ABCA4: variants seen among roughly 807,000 people sequenced by gnomAD.
The protein encoded by ABCA4 is ATP binding cassette subfamily A member 4.
Under a neutral mutation model 263.7 loss-of-function variants are expected in ABCA4, and 196 were observed. The observed-to-expected ratio is 0.74, with a 90% CI of 0.66 to 0.84. The LOEUF (loss-of-function observed/expected upper bound fraction) is 0.84, where lower values mean the gene tolerates loss of function less well. Among genes scored for constraint, ABCA4 ranks in the 40% least tolerant of loss-of-function variants. ABCA4 has a pLI of 0.00. For missense variants in ABCA4, 2,792 were observed against 2,855.1 expected (o/e 0.98, Z 0.50); for synonymous variants, 1,133 against 1,094.2 (o/e 1.04, Z -0.70).
chr1:94,092,940 C>A (rs1361807443), intron 6 of ABCA4, among the ~76,000 whole-genome samples: 1 of 152,194 alleles, frequency 6.6e-6, no homozygotes, highest in Non-Finnish European at 1.5e-5. Flanking sequence ...ATTACTATTT[C>A]ATGAGCTGTG....
chr1:93,994,782 A>G (rs1658952792), intron 49 of ABCA4, among the ~76,000 whole-genome samples: 1 of 152,196 alleles, frequency 6.6e-6, no homozygotes, highest in East Asian at 1.9e-4. Context: ...TCATCCAATA[A>G]GGGAGAAAAG....
At chr1:94,057,348 C>T (rs1661011385) in intron 14 of ABCA4, among the ~76,000 whole-genome samples, 1 of 152,096 alleles carries the variant, frequency 6.6e-6, no homozygotes, top group Non-Finnish European at 1.5e-5. Flanking sequence ...TAAGCAAATC[C>T]TCGGTGAGAA....
intron 5 of ABCA4, among the ~76,000 whole-genome samples, chr1:94,101,063 C>T (rs1662273917): frequency 6.6e-6 from 1 of 152,232 alleles, no homozygotes; most frequent in Non-Finnish European, 1.5e-5. Flanking sequence ...TCATCAGAGC[C>T]AGCAACATGA....
intron 5 of ABCA4, among the ~76,000 whole-genome samples, chr1:94,100,266 G>T (rs1473454929): frequency 2.6e-5 from 4 of 152,216 alleles, no homozygotes; most frequent in Non-Finnish European, 4.4e-5. Flanking sequence ...GGTGTGTTAA[G>T]AATAGCCACT....
At chr1:94,014,767 C>T in intron 37 of ABCA4, 77 bp from the exon 38 acceptor site, 1 of 1,575,002 alleles carries the variant, frequency 6.3e-7, no homozygotes, top group Non-Finnish European at 8.7e-7. Flanking sequence ...ATATAATGCA[C>T]TCCCCTTACA....
chr1:94,007,502 G>T, intron 43 of ABCA4, 132 bp downstream of exon 43: 1 of 803,982 alleles, frequency 1.2e-6, no homozygotes. Flanking sequence ...TGCTCTCTGG[G>T]AGGCCTCCTT....
At chr1:94,021,095 T>TAG in intron 35 of ABCA4, 145 bp downstream of exon 35, 1 of 1,133,874 alleles carries the variant, frequency 8.8e-7, no homozygotes, top group Admixed American at 1.7e-5. Flanking sequence ...GAGGCACTTA[T>TAG]TTGAAAGTCG....
At chr1:94,036,702 G>C (rs1660346103) in intron 26 of ABCA4, 38 bp downstream of exon 26, 1 of 1,605,774 alleles carries the variant, frequency 6.2e-7, no homozygotes, top group African/African-American at 1.3e-5. Flanking sequence ...TGGGAGGGAG[G>C]CAAGGAAGGG....
rs754474720 is a variant in ABCA4, at chr1:94,030,510, T to A, written c.4270A>T (p.Ser1424Cys). Reference sequence around the variant, plus strand: ...TCTGCAAGTACCGTGAACTGCTCACTGCCTGGTTCATCCATGCTAGACAGA... The same window carrying A: ...TCTGCAAGTACCGTGAACTGCTCACAGCCTGGTTCATCCATGCTAGACAGA... ...YTFFSMDEPGSEQFTVLADVL... is the reference protein window; with the variant it reads ...YTFFSMDEPGCEQFTVLADVL... The change falls in exon 29 of 50, where the codon AGT becomes TGT. Residue 1424 changes from serine (S) to cysteine (C), a missense_variant. By Grantham distance (112) the Ser-to-Cys change is moderately radical. Transcript: ENST00000370225. The A allele has an allele frequency of 6.2e-7, 1 of 1,614,230 alleles. No individual in the cohort carries two copies. The highest frequency in any genetic ancestry group is 1.1e-5 in the South Asian group (1 of 91,086).
Position 94,029,554 on chromosome 1 carries a change from T to G in ABCA4, c.4430A>C (p.Gln1477Pro), listed in dbSNP as rs758653947. Residue 1477 changes from glutamine to proline, a missense_variant, in exon 30 of 50, where the codon CAG (glutamine) becomes CCG (proline). Transcript: ENST00000370225. ...TGAAGGGTTGACCTGTGTCCATTTC[T>G]GCTTCTGGAACAGCTGGGTGATGTT... ...SPNITQLFQK[Q>P]KWTQVNPSPS... 6.2e-7 allele frequency: 1 copy of G among 1,613,706 alleles called. No individual in the cohort carries two copies. The highest frequency in any genetic ancestry group is 8.5e-7 in the Non-Finnish European group (1 of 1,179,842).
At chr1:94,087,471 A>G (rs1018491218) in intron 6 of ABCA4, among the ~76,000 whole-genome samples, 1 of 152,204 alleles carries the variant, frequency 6.6e-6, no homozygotes, top group African/African-American at 2.4e-5. Context: ...AGACACCAGG[A>G]GAAGTCATAG....
chr1:94,105,019 G>A (rs1005449773), intron 4 of ABCA4, among the ~76,000 whole-genome samples: 7 of 151,982 alleles, frequency 4.6e-5, no homozygotes, highest in South Asian at 4.2e-4. Flanking sequence ...GCACACGCAC[G>A]CATATGCAGA....
chr1:94,030,396 T>C lies in ABCA4; in HGVS notation c.4352+32A>G, dbSNP rs75424561. 12,343 of 1,605,140 alleles carry C rather than the reference T, an allele frequency of 7.7e-3. 815 individuals are homozygous for C. In the African/African-American group the frequency reaches 0.15, roughly 19 times the overall value. The stretch of plus-strand genomic sequence containing the variant: ...CGTTGGGTCCTCCCAGGGGAGCTAG[T>C]CTTCTTAGGACAGGGGCGCGTAGGC... On this transcript the variant is annotated intron_variant, in intron 29 of 49. Coordinates refer to ENST00000370225, the MANE Select transcript of ABCA4 (RefSeq NM_000350.3).
intron 2 of ABCA4, among the ~76,000 whole-genome samples, chr1:94,112,722 G>A (rs1240294450): frequency 6.6e-6 from 1 of 152,252 alleles, no homozygotes; most frequent in Non-Finnish European, 1.5e-5. Context: ...TTGAGCCCAA[G>A]AGATAGAAGC....
intron 49 of ABCA4, 101 bp from the exon 50 acceptor site, chr1:93,993,343 AG>A: frequency 6.7e-7 from 1 of 1,498,730 alleles, no homozygotes; most frequent in East Asian, 2.3e-5. Context: ...CAATTTCTGA[AG>A]GGCACTCAGC....
intron 37 of ABCA4, among the ~76,000 whole-genome samples, chr1:94,015,534 C>T (rs1015919418): frequency 6.6e-6 from 1 of 152,184 alleles, no homozygotes; most frequent in Non-Finnish European, 1.5e-5. Flanking sequence ...AGGACCAGGC[C>T]TCAGAGATAC....
chr1:94,104,679 G>C (rs1454747947), intron 4 of ABCA4, among the ~76,000 whole-genome samples: 1 of 152,200 alleles, frequency 6.6e-6, no homozygotes, highest in African/African-American at 2.4e-5. Flanking sequence ...CCTGAGAGTG[G>C]TGCCCACTGT....
chr1:94,044,111 TTCCTTCCTTCCTCC>T (rs1660603564), intron 20 of ABCA4, among the ~76,000 whole-genome samples: 1 of 3,320 alleles, frequency 3.0e-4, no homozygotes, highest in East Asian at 0.071. Context: ...CCTTCCTTCC[TTCCTTCCTTCCTCC>T]CTTCCTTCCT....
chr1:94,102,287 T>C (rs1662303712), intron 5 of ABCA4, among the ~76,000 whole-genome samples: 1 of 152,038 alleles, frequency 6.6e-6, no homozygotes, highest in Admixed American at 6.6e-5. Flanking sequence ...GTTTGCCTGG[T>C]GCTGAGAAGG....
Sources: allele counts gnomAD v4.1 joint callset (sites outside exome capture counted in the v4.1 genomes callset), GRCh38; gene constraint gnomAD v4.1.1; transcripts MANE v1.5; gene names NCBI Gene and HGNC (gene_info 2026-07-23, HGNC 2026-07-21).